CDH13: variants seen among roughly 807,000 people sequenced by gnomAD.
CDH13 encodes the protein cadherin 13.
A neutral mutation model predicts 63.8 loss-of-function variants in CDH13; 24 were observed. The ratio of observed to expected loss-of-function variants is 0.38; its 90% CI spans 0.27 to 0.53. The LOEUF is 0.53. Ranked by LOEUF, CDH13 falls within the 20% of genes least tolerant of loss-of-function variation. The pLI is 0.85. For synonymous variants in CDH13, 503 were observed against 355.3 expected (o/e 1.42, Z -4.67); for missense variants, 1,049 against 903.1 (o/e 1.16, Z -2.07).
At chr16:83,745,381 C>A (rs1357181407) in intron 10 of CDH13, among the ~76,000 whole-genome samples, 1 of 152,154 alleles carries the variant, frequency 6.6e-6, no homozygotes, top group African/African-American at 2.4e-5. Flanking sequence ...CCAACCCAGA[C>A]CGCCTCTGTG....
In CDH13 at chr16:83,414,477, G is replaced by C. The variant is rs185631004; in HGVS notation, c.781+69471G>C. Among the ~76,000 whole-genome samples, 401 of 152,266 alleles carry C rather than the reference G, an allele frequency of 2.6e-3. 3 individuals carry two copies. Among genetic ancestry groups the C allele is most frequent in the African/African-American group, 9.4e-3 (391 of 41,554 alleles). ...CTTAATAGATTTTAAGTGTACAGTA[G>C]TATTGACTCTAGGTACAGCATTGTA... On this transcript the variant is annotated intron_variant, in intron 6 of 13. Transcript: ENST00000567109.
At chr16:83,777,534 C>T (rs994100570) in intron 11 of CDH13, among the ~76,000 whole-genome samples, 1 of 152,268 alleles carries the variant, frequency 6.6e-6, no homozygotes, top group African/African-American at 2.4e-5. Context: ...TGCTGTAAAA[C>T]TGCTGAGAAG....
chr16:82,818,886 G>A (rs1023783632), intron 1 of CDH13, among the ~76,000 whole-genome samples: 10 of 152,138 alleles, frequency 6.6e-5, no homozygotes, highest in Non-Finnish European at 1.2e-4. Context: ...CATGGCTAAC[G>A]GTAAAATGAG....
chr16:83,092,781 A>G (rs2151585673), intron 3 of CDH13, among the ~76,000 whole-genome samples: 1 of 152,304 alleles, frequency 6.6e-6, no homozygotes, highest in Admixed American at 6.5e-5. Context: ...ATCTAGATTC[A>G]CTCACCAAAT....
chr16:83,150,816 T>C (rs2036947402), intron 4 of CDH13, among the ~76,000 whole-genome samples: 1 of 152,236 alleles, frequency 6.6e-6, no homozygotes, highest in South Asian at 2.1e-4. Flanking sequence ...TCTTCCCAAG[T>C]ATTTTGTGTG....
intron 1 of CDH13, among the ~76,000 whole-genome samples, chr16:82,733,978 C>A (rs966488497): frequency 1.3e-5 from 2 of 152,158 alleles, no homozygotes; most frequent in Admixed American, 6.6e-5. Context: ...GATGACAGAA[C>A]TGTAGAGAAA....
At chr16:83,235,886 T>G (rs2040129502) in intron 5 of CDH13, among the ~76,000 whole-genome samples, 1 of 152,182 alleles carries the variant, frequency 6.6e-6, no homozygotes, top group African/African-American at 2.4e-5. Context: ...CTTAAACTTG[T>G]GTGCTATGAA....
At chr16:83,204,823 C>T (rs2151770354) in intron 4 of CDH13, among the ~76,000 whole-genome samples, 1 of 152,334 alleles carries the variant, frequency 6.6e-6, no homozygotes, top group Non-Finnish European at 1.5e-5. Context: ...GACCCAGGTC[C>T]ATGAAGTCAC....
intron 1 of CDH13, among the ~76,000 whole-genome samples, chr16:82,818,155 T>A (rs965640918): frequency 5.3e-5 from 8 of 151,982 alleles, no homozygotes; most frequent in African/African-American, 1.9e-4. Flanking sequence ...GAAGACTAAT[T>A]ACTCCAGGAG....
intron 2 of CDH13, among the ~76,000 whole-genome samples, chr16:82,864,873 G>A (rs547917253): frequency 1.2e-4 from 18 of 152,230 alleles, no homozygotes; most frequent in Admixed American, 3.9e-4. Context: ...TCCACCTAGA[G>A]GCCTGTAAAA....
intron 1 of CDH13, among the ~76,000 whole-genome samples, chr16:82,695,896 C>G (rs907261043): frequency 1.3e-5 from 2 of 152,090 alleles, no homozygotes; most frequent in African/African-American, 4.8e-5. Context: ...CAACCATAAC[C>G]CATTTAAAGC....
intron 3 of CDH13, among the ~76,000 whole-genome samples, chr16:83,046,076 C>T (rs774639559): frequency 3.3e-5 from 5 of 152,166 alleles, no homozygotes; most frequent in Non-Finnish European, 7.3e-5. Context: ...CTTGTTTAAG[C>T]AAAGCCAAGT....
At chr16:83,412,016 C>T (rs530627025) in intron 6 of CDH13, among the ~76,000 whole-genome samples, 1 of 152,280 alleles carries the variant, frequency 6.6e-6, no homozygotes, top group South Asian at 2.1e-4. Flanking sequence ...TTTAGGTTCT[C>T]TGTGGATGTT....
chr16:83,576,782 T>A (rs6563939), intron 7 of CDH13, among the ~76,000 whole-genome samples: 3 of 151,996 alleles, frequency 2.0e-5, no homozygotes, highest in Non-Finnish European at 4.4e-5. Context: ...TTTTTTCATG[T>A]GTTCATTGGC....
At chr16:82,960,241 A>G (rs1906767003) in intron 2 of CDH13, among the ~76,000 whole-genome samples, 1 of 152,180 alleles carries the variant, frequency 6.6e-6, no homozygotes, top group Non-Finnish European at 1.5e-5. Context: ...TAAGGGACAT[A>G]TATTGATGAT....
At chr16:82,943,675 C>T (rs1904375097) in intron 2 of CDH13, among the ~76,000 whole-genome samples, 1 of 152,210 alleles carries the variant, frequency 6.6e-6, no homozygotes, top group South Asian at 2.1e-4. Context: ...ATGTCCAAGA[C>T]ACTTTGGAGA....
intron 3 of CDH13, among the ~76,000 whole-genome samples, chr16:83,096,100 G>C (rs1411241137): frequency 6.6e-6 from 1 of 152,198 alleles, no homozygotes; most frequent in African/African-American, 2.4e-5. Context: ...AACTCCGTAT[G>C]TGAATAATGG....
At chr16:83,478,758 ATTTCTTT>A (rs1567699736) in intron 6 of CDH13, among the ~76,000 whole-genome samples, 1 of 148,938 alleles carries the variant, frequency 6.7e-6, no homozygotes, top group Non-Finnish European at 1.5e-5. Flanking sequence ...AGGGGCAGGG[ATTTCTTT>A]AACAGTCTTC....
At chr16:83,157,914 A>G (rs1405044428) in intron 4 of CDH13, among the ~76,000 whole-genome samples, 2 of 151,738 alleles carry the variant, frequency 1.3e-5, no homozygotes, top group Admixed American at 1.3e-4. Flanking sequence ...CTCTGTCTCA[A>G]AAAAAAAGAA....
Sources: allele counts gnomAD v4.1 joint callset (sites outside exome capture counted in the v4.1 genomes callset), GRCh38; gene constraint gnomAD v4.1.1; transcripts MANE v1.5; gene names NCBI Gene and HGNC (gene_info 2026-07-23, HGNC 2026-07-21).